SSBP3: variants seen among roughly 807,000 people sequenced by gnomAD.
SSBP3 encodes single stranded DNA binding protein 3, also known as single-stranded DNA-binding protein 3.
Under a neutral mutation model 69.6 loss-of-function variants are expected in SSBP3, and 5 were observed. The observed-to-expected ratio is 0.07, with a 90% confidence interval of 0.04 to 0.15. The LOEUF (loss-of-function observed/expected upper bound fraction) is 0.15. SSBP3 is among the 10% of genes least tolerant of loss of function. SSBP3 has a pLI of 1.00. For synonymous variants in SSBP3, 196 were observed against 193.4 expected (o/e 1.01, Z -0.11); for missense variants, 312 against 534.0 (o/e 0.58, Z 4.10).
chr1:54,287,734 G>A (rs1361312), intron 4 of SSBP3, among the ~76,000 whole-genome samples: 20,947 of 152,100 alleles, frequency 0.14, 1,617 homozygotes, highest in African/African-American at 0.17. Context: ...AGCGACCGGG[G>A]GAATGTCATC....
At chr1:54,348,955 ACCAGGCTAAAAAC>A (rs1254609958) in intron 4 of SSBP3, among the ~76,000 whole-genome samples, 1 of 152,226 alleles carries the variant, frequency 6.6e-6, no homozygotes, top group Non-Finnish European at 1.5e-5. Context: ...GAGAGCCAGA[ACCAGGCTAAAAAC>A]CCAGCCCGAT....
At chr1:54,275,802 T>C (rs541030667) in intron 5 of SSBP3, among the ~76,000 whole-genome samples, 10 of 152,330 alleles carry the variant, frequency 6.6e-5, no homozygotes, top group Admixed American at 3.3e-4. Context: ...TCTGAGTACA[T>C]GGCAGGTTCT....
chr1:54,362,704 G>C (rs1477451377), intron 4 of SSBP3, among the ~76,000 whole-genome samples: 4 of 152,164 alleles, frequency 2.6e-5, no homozygotes, highest in African/African-American at 4.8e-5. Context: ...CTTTTTCTTA[G>C]ACCAGGCAGA....
chr1:54,261,310 G>A (rs912496282), intron 5 of SSBP3, among the ~76,000 whole-genome samples: 2 of 152,216 alleles, frequency 1.3e-5, no homozygotes, highest in African/African-American at 2.4e-5. Context: ...AAGTGCTCTC[G>A]TCTTCCTTCC....
chr1:54,352,949 G>A lies in SSBP3; in HGVS notation c.276+48912C>T, dbSNP rs548921078. 1.6e-4 allele frequency among the ~76,000 whole-genome samples: 25 copies of A among 152,304 alleles called. 1 individual carries two copies. The highest frequency in any genetic ancestry group is 7.7e-4 in the East Asian group (4 of 5,180). On this transcript the variant is annotated intron_variant, in intron 4 of 17. Transcript: ENST00000610401. ...GTCCCAAAAAATGTGAGCCGACGCC[G>A]GGCCCCTCAACGGATTCTGAATGGC...
chr1:54,240,107 T>TGTGC (rs1553123256), intron 13 of SSBP3, among the ~76,000 whole-genome samples: 1 of 134,574 alleles, frequency 7.4e-6, no homozygotes, highest in Non-Finnish European at 1.6e-5. Flanking sequence ...CGCGTGTGCG[T>TGTGC]GCGCGCGCGC....
At chr1:54,280,128 C>T (rs1231842894) in intron 5 of SSBP3, among the ~76,000 whole-genome samples, 1 of 152,250 alleles carries the variant, frequency 6.6e-6, no homozygotes, top group African/African-American at 2.4e-5. Flanking sequence ...CCTACCACTT[C>T]TGTTTTTGGG....
chr1:54,251,058 C>T (rs866809792), intron 9 of SSBP3, among the ~76,000 whole-genome samples: 3 of 152,218 alleles, frequency 2.0e-5, no homozygotes, highest in Non-Finnish European at 4.4e-5. Flanking sequence ...GTCCTGCCAG[C>T]GTGGCCCCCT....
In SSBP3 at chr1:54,281,612, G is replaced by A. The variant is rs981311375; in HGVS notation, c.277-85C>T. The stretch of plus-strand genomic sequence containing the variant: ...CTGACCCCTGGACTTGGCTCTCCCT[G>A]TCCGTCCACATTCCCCGTGGACCTT... On this transcript the variant is annotated intron_variant, in intron 4 of 17. Coordinates refer to ENST00000610401, the Ensembl canonical transcript of SSBP3. 1.2e-5 allele frequency: 15 copies of A among 1,259,886 alleles called. No individual in the cohort carries two copies. The African/African-American group carries it at 2.1e-4, about 17-fold the overall frequency. 78.0% of individuals were successfully genotyped at this position (1,259,886 alleles called of 1,614,324 possible). A position where few individuals can be genotyped will look rare whatever the true frequency, so the allele number is the denominator to read the frequency against.
chr1:54,335,000 G>A (rs1646484404), intron 4 of SSBP3, among the ~76,000 whole-genome samples: 3 of 152,198 alleles, frequency 2.0e-5, no homozygotes, highest in Admixed American at 2.0e-4. Context: ...GACTCAAGCA[G>A]CACAGAGGCA....
chr1:54,248,266 C>T (rs928216176), intron 9 of SSBP3, among the ~76,000 whole-genome samples: 15 of 152,188 alleles, frequency 9.9e-5, no homozygotes, highest in Non-Finnish European at 2.9e-5. Context: ...AGGGGCTGGC[C>T]GCCCTTCCTG....
rs1645993853 is a variant in SSBP3 at position 54,311,071 on chromosome 1, G to A, written c.277-29544C>T. ...TGGGTCTATTTCGCGGACCCTAATC[G>A]ATGGCTGACTTCTTTAGCCTGCTGA... On this transcript the variant is annotated intron_variant, in intron 4 of 17. Transcript: ENST00000610401. 2.6e-5 allele frequency among the ~76,000 whole-genome samples: 4 copies of A among 152,126 alleles called. No individual in the cohort carries two copies. The South Asian group carries it at 6.2e-4, about 24-fold the overall frequency.
intron 1 of SSBP3, 143 bp downstream of exon 1, chr1:54,405,810 G>C: frequency 2.6e-6 from 1 of 391,696 alleles, no homozygotes; most frequent in Non-Finnish European, 3.6e-6. Context: ...CCTCGGGGAA[G>C]GGGCCAGGCA....
chr1:54,371,517 G>C (rs914166362), intron 4 of SSBP3, among the ~76,000 whole-genome samples: 3 of 152,298 alleles, frequency 2.0e-5, no homozygotes, highest in African/African-American at 4.8e-5. Context: ...ATGGGAGAGA[G>C]ACACACCCAG....
At chr1:54,256,135 A>G (rs1357431967) in intron 7 of SSBP3, among the ~76,000 whole-genome samples, 2 of 151,962 alleles carry the variant, frequency 1.3e-5, no homozygotes, top group African/African-American at 4.8e-5. Context: ...TAGTCCCTGC[A>G]TCACCTCACT....
intron 4 of SSBP3, among the ~76,000 whole-genome samples, chr1:54,316,959 T>C (rs1225923468): frequency 6.6e-6 from 1 of 152,080 alleles, no homozygotes; most frequent in East Asian, 1.9e-4. Flanking sequence ...ACTCATTCCA[T>C]TCATGACGAT....
intron 13 of SSBP3, 28 bp downstream of exon 13, chr1:54,240,877 C>A (rs1311818644): frequency 6.2e-7 from 1 of 1,613,030 alleles, no homozygotes; most frequent in Non-Finnish European, 8.5e-7. Flanking sequence ...ACCACCAGAC[C>A]CCCCACTTTC....
exon 17 of SSBP3, chr1:54,228,307 C>T: frequency 6.8e-6 from 11 of 1,614,056 alleles, no homozygotes; most frequent in Non-Finnish European, 8.5e-6. Flanking sequence ...GCCGTCATCT[C>T]GAGGGGTGCC....
chr1:54,279,183 C>T (rs761770311), intron 5 of SSBP3, among the ~76,000 whole-genome samples: 11 of 152,172 alleles, frequency 7.2e-5, no homozygotes, highest in Non-Finnish European at 1.3e-4. Flanking sequence ...TGGATGACCA[C>T]GTCAGCTCTT....
Sources: gnomAD v4.1 joint callset for allele counts (sites outside exome capture counted in the v4.1 genomes callset) on GRCh38, gnomAD v4.1.1 for gene constraint, MANE v1.5 for transcripts, NCBI Gene and HGNC (gene_info 2026-07-23, HGNC 2026-07-21) for gene names.